The following ZBED3 variants were observed in gnomAD, a reference collection of about 807,000 sequenced individuals.
ZBED3 encodes the protein zinc finger BED-type containing 3, also known as zinc finger BED domain-containing protein 3.
For missense variants in ZBED3, 388 were observed against 362.9 expected (o/e 1.07, Z -0.56); for synonymous variants, 175 against 180.0 (o/e 0.97, Z 0.22).
intron 1 of ZBED3, among the ~76,000 whole-genome samples, chr5:77,082,225 C>G (rs1051722866): frequency 3.3e-5 from 5 of 151,002 alleles, no homozygotes; most frequent in African/African-American, 1.2e-4. Flanking sequence ...CGAGATAGCA[C>G]CATTGCATTC....
rs1357602823 is a variant in ZBED3 at position 77,077,220 on chromosome 5, G to A, written c.659C>T (p.Pro220Leu). The A allele has an allele frequency of 6.7e-7, 1 of 1,500,228 alleles. No homozygotes were observed. The allele number at this position is 1,500,228 out of a possible 1,614,324, so 92.9% of individuals were successfully genotyped here. A position where few individuals can be genotyped will look rare whatever the true frequency, so the allele number is the denominator to read the frequency against. Residue 220 changes from proline (P) to leucine (L), a missense_variant, in exon 3 of 3, where the codon CCC (proline) becomes CTC (leucine). Coordinates refer to ENST00000255198, the MANE Select transcript of ZBED3 (RefSeq NM_032367.4). ...GACGCAGCCGTCCCTGTCACCCTCGGGGTCGTCCTTGAGCGGCGGCGGCGC... is the reference window on the plus strand; with the variant it reads ...GACGCAGCCGTCCCTGTCACCCTCGAGGTCGTCCTTGAGCGGCGGCGGCGC... ...PAAPPPLKDD[P>L]EGDRDGCVIT...
chr5:77,073,588 G>C lies in ZBED3; in HGVS notation c.*3586C>G, dbSNP rs1284982623. ...GTGTTACTTGTATAATAAAAAAGTA[G>C]ATTTACATACCAGAATGGTTGATTG... On this transcript the variant is annotated 3_prime_UTR_variant, in exon 3 of 3. Transcript: ENST00000255198. 1 of 152,094 alleles carries C rather than the reference G, an allele frequency of 6.6e-6. No homozygotes were observed. Among genetic ancestry groups the C allele is most frequent in the East Asian group, 1.9e-4 (1 of 5,198 alleles). The allele number at this position is 152,094 out of a possible 1,614,324, so 9.4% of individuals were successfully genotyped here. A position where few individuals can be genotyped will look rare whatever the true frequency, so the allele number is the denominator to read the frequency against.
intron 1 of ZBED3, 73 bp downstream of exon 1, chr5:77,087,038 G>A (rs1743260954): frequency 6.6e-6 from 1 of 152,284 alleles, no homozygotes. Flanking sequence ...GGCGTCCGCG[G>A]TCGCTGCTCA....
At chr5:77,082,401 G>A (rs1400516703) in intron 1 of ZBED3, among the ~76,000 whole-genome samples, 1 of 152,096 alleles carries the variant, frequency 6.6e-6, no homozygotes, top group Admixed American at 6.6e-5. Context: ...TCAGAATCAT[G>A]TAGAATGACA....
rs764954901 is a variant in ZBED3, at chr5:77,077,848, C to T, written c.31G>A (p.Asp11Asn). The part of the protein sequence containing the change: MRSGEPACTM[D>N]QARGLDDAAA... ...GCGTCGTCCAGCCCGCGGGCCTGGT[C>T]CATGGTGCAGGCCGGCTCGCCACTC... The change falls in exon 3 of 3, where the codon GAC becomes AAC. Residue 11 changes from aspartate to asparagine, a missense_variant. By Grantham distance (23) the Asp-to-Asn change is conservative. Transcript: ENST00000255198. The T allele has an allele frequency of 2.3e-6, 3 of 1,290,386 alleles. No homozygotes were observed. The South Asian group carries it at 7.8e-5, about 34-fold the overall frequency. 79.9% of individuals were successfully genotyped at this position (1,290,386 alleles called of 1,614,324 possible).
chr5:77,086,046 CT>C (rs1743231603), intron 1 of ZBED3, among the ~76,000 whole-genome samples: 1 of 152,214 alleles, frequency 6.6e-6, no homozygotes, highest in African/African-American at 2.4e-5. Flanking sequence ...CTCTCTCTCT[CT>C]ATTAATGCAC....
rs1430199804 is a variant in ZBED3 at position 77,072,855 on chromosome 5, T to C, written c.*4319A>G. 1.3e-5 allele frequency: 2 copies of C among 152,086 alleles called. No individual in the cohort carries two copies. The highest frequency in any genetic ancestry group is 2.9e-5 in the Non-Finnish European group (2 of 68,018). 9.4% of individuals were successfully genotyped at this position (152,086 alleles called of 1,614,324 possible). On this transcript the variant is annotated 3_prime_UTR_variant, in exon 3 of 3. Transcript: ENST00000255198. ...TTAAGGCCAAAGAGACTGAAATGCA[T>C]TAAGTAGGCTGGAGTCAGATGACGC...
Position 77,075,182 on chromosome 5 carries a change from C to T in ZBED3, c.*1992G>A, listed in dbSNP as rs1422608354. ...TACAACTCTGCAGGGATATGAGCCACGAGTGGAGTGTAGACATAGGCCTAA... is the reference window on the plus strand; with the variant it reads ...TACAACTCTGCAGGGATATGAGCCATGAGTGGAGTGTAGACATAGGCCTAA... On this transcript the variant is annotated 3_prime_UTR_variant, in exon 3 of 3. Coordinates refer to ENST00000255198, the MANE Select transcript of ZBED3 (RefSeq NM_032367.4). 4 of 152,122 alleles carry T rather than the reference C, an allele frequency of 2.6e-5. No individual in the cohort carries two copies. Among genetic ancestry groups the T allele is most frequent in the Admixed American group, 1.3e-4 (2 of 15,280 alleles). 9.4% of individuals were successfully genotyped at this position (152,122 alleles called of 1,614,324 possible).
chr5:77,080,385 C>G (rs1443520057), intron 1 of ZBED3: 1 of 437,940 alleles, frequency 2.3e-6, no homozygotes, highest in African/African-American at 2.0e-5. Context: ...ATGTCTTAAT[C>G]CTTTTGACCT....
At chr5:77,086,633 G>C (rs1743245963) in intron 1 of ZBED3, 1 of 151,280 alleles carries the variant, frequency 6.6e-6, no homozygotes, top group Non-Finnish European at 1.5e-5. Flanking sequence ...CTTTTGTTTG[G>C]GGGCCATGAG....
chr5:77,086,234 C>G (rs1329624550), intron 1 of ZBED3, among the ~76,000 whole-genome samples: 2 of 152,026 alleles, frequency 1.3e-5, no homozygotes, highest in African/African-American at 4.8e-5. Flanking sequence ...ACTTTGAAGG[C>G]CTTTGTGACT....
Position 77,076,723 on chromosome 5 carries a change from C to A in ZBED3, c.*451G>T. ...TTTTTTTTTGGGTAAAAAGCTTTCTCATTTCCACGCACCCTCCACCTTGGG... is the reference window on the plus strand; with the variant it reads ...TTTTTTTTTGGGTAAAAAGCTTTCTAATTTCCACGCACCCTCCACCTTGGG... On this transcript the variant is annotated 3_prime_UTR_variant, in exon 3 of 3. Coordinates refer to ENST00000255198, the MANE Select transcript of ZBED3 (RefSeq NM_032367.4). 1 of 148,714 alleles carries A rather than the reference C, an allele frequency of 6.7e-6. No individual in the cohort carries two copies. Among genetic ancestry groups the A allele is most frequent in the Non-Finnish European group, 1.5e-5 (1 of 67,710 alleles). The allele number at this position is 148,714 out of a possible 1,614,324, so 9.2% of individuals were successfully genotyped here.
Position 77,077,518 on chromosome 5 carries a change from G to C in ZBED3, c.361C>G (p.Pro121Ala). The C allele has an allele frequency of 8.3e-7, 1 of 1,201,824 alleles. No individual in the cohort carries two copies. Among genetic ancestry groups the C allele is most frequent in the African/African-American group, 1.6e-5 (1 of 62,626 alleles). 74.4% of individuals were successfully genotyped at this position (1,201,824 alleles called of 1,614,324 possible). A position where few individuals can be genotyped will look rare whatever the true frequency, so the allele number is the denominator to read the frequency against. Residue 121 changes from proline (P) to alanine (A), a missense_variant, in exon 3 of 3, where the codon CCC (proline) becomes GCC (alanine). Transcript: ENST00000255198. ...PAAPCPPPPGPAAAPEGDWAR... is the reference protein window; with the variant it reads ...PAAPCPPPPGAAAAPEGDWAR... The stretch of plus-strand genomic sequence containing the variant: ...CAGTCGCCCTCGGGGGCCGCAGCGG[G>C]GCCGGGCGGCGGCGGGCAGGGCGCG...
intron 1 of ZBED3, among the ~76,000 whole-genome samples, chr5:77,085,069 T>A (rs545542334): frequency 3.2e-4 from 49 of 152,342 alleles, no homozygotes; most frequent in African/African-American, 1.0e-3. Flanking sequence ...GAGTATCCAT[T>A]ATTTGGAAGG....
chr5:77,077,366 C>T lies in ZBED3; in HGVS notation c.513G>A (p.Leu171=). The change falls in exon 3 of 3, where the codon CTG becomes CTA. Residue 171 remains leucine (L), a synonymous_variant. Coordinates refer to ENST00000255198, the MANE Select transcript of ZBED3 (RefSeq NM_032367.4). Reference sequence around the variant, plus strand: ...GGGCCGCGGCGCGCTCTTCCTCCTGCAGCGCCCTCCGCCTCCGCTCCAGGG... The same window carrying T: ...GGGCCGCGGCGCGCTCTTCCTCCTGTAGCGCCCTCCGCCTCCGCTCCAGGG... ...ERALERRRRA[L]QEEERAAAQA... is the part of the protein sequence containing the mutation. 8.0e-7 allele frequency: 1 copy of T among 1,255,264 alleles called. No homozygotes were observed. The highest frequency in any genetic ancestry group is 4.0e-5 in the Admixed American group (1 of 25,076). 77.8% of individuals were successfully genotyped at this position (1,255,264 alleles called of 1,614,324 possible). A position where few individuals can be genotyped will look rare whatever the true frequency, so the allele number is the denominator to read the frequency against.
At chr5:77,083,158 C>T (rs1349861832) in intron 1 of ZBED3, among the ~76,000 whole-genome samples, 1 of 152,008 alleles carries the variant, frequency 6.6e-6, no homozygotes, top group African/African-American at 2.4e-5. Context: ...AAAACAAAAA[C>T]AAAAAAGCAA....
At chr5:77,084,294 T>C (rs535210047) in intron 1 of ZBED3, among the ~76,000 whole-genome samples, 2 of 152,304 alleles carry the variant, frequency 1.3e-5, no homozygotes, top group South Asian at 2.1e-4. Context: ...TCCCACGTGT[T>C]GTGGGATGGA....
At chr5:77,079,356 T>C (rs1054579907) in intron 1 of ZBED3, 1 of 152,228 alleles carries the variant, frequency 6.6e-6, no homozygotes, top group Non-Finnish European at 1.5e-5. Flanking sequence ...TTCCAGAATC[T>C]TTCTTGTTAA....
At chr5:77,081,702 G>A (rs4551049) in intron 1 of ZBED3, among the ~76,000 whole-genome samples, 27,642 of 152,082 alleles carry the variant, frequency 0.18, 2,616 homozygotes, top group South Asian at 0.22. Context: ...AAAAGTAAGA[G>A]ATCCCTCAAT....
Sources: gnomAD v4.1 joint callset for allele counts (sites outside exome capture counted in the v4.1 genomes callset) on GRCh38, gnomAD v4.1.1 for gene constraint, MANE v1.5 for transcripts, NCBI Gene and HGNC (gene_info 2026-07-23, HGNC 2026-07-21) for gene names.